Variants in TYW1 observed in about 807,000 individuals in gnomAD.
The protein encoded by TYW1 is S-adenosyl-L-methionine-dependent tRNA 4-demethylwyosine synthase TYW1.
TYW1 carries 46 observed loss-of-function variants against 96.2 expected under a neutral mutation model. That is an observed-to-expected ratio of 0.48 (90% CI 0.38 to 0.61). The LOEUF is 0.61. TYW1 is among the 20% of genes least tolerant of loss of function. The pLI, the probability that TYW1 is intolerant of heterozygous loss-of-function variation, is 0.00. For synonymous variants in TYW1, 274 were observed against 323.0 expected, an observed-to-expected ratio of 0.85 and a Z score of 1.63; for missense variants, 684 against 909.6, an observed-to-expected ratio of 0.75 and a Z score of 3.19.
intron 10 of TYW1, among the ~76,000 whole-genome samples, chr7:67,081,822 CT>C (rs890136602): frequency 7.0e-6 from 1 of 142,008 alleles, no homozygotes; most frequent in Non-Finnish European, 1.5e-5. Context: ...TTCTTCCTTC[CT>C]TTTTTTTGGT....
At chr7:67,237,078 G>A (rs1357213924) in intron 15 of TYW1, among the ~76,000 whole-genome samples, 2 of 152,092 alleles carry the variant, frequency 1.3e-5, no homozygotes, top group Non-Finnish European at 2.9e-5. Flanking sequence ...TAGAGATAGG[G>A]TTTTACCATG....
rs574685260 is a variant in TYW1, at chr7:67,059,446, A to G, written c.1155+3559A>G. 1.1e-4 allele frequency among the ~76,000 whole-genome samples: 17 copies of G among 151,498 alleles called. No individual in the cohort carries two copies. The East Asian group carries it at 1.6e-3, about 14-fold the overall frequency. ...AGGAAAAATTGAGGAGGATTATGTA[A>G]TTGTTTTGAAATAATTATCATTGGC... is the stretch of plus-strand genomic sequence containing the variant. On this transcript the variant is annotated intron_variant, in intron 9 of 15. Transcript: ENST00000359626.
At chr7:67,092,752 G>T (rs1471443797) in intron 11 of TYW1, among the ~76,000 whole-genome samples, 1 of 133,268 alleles carries the variant, frequency 7.5e-6, no homozygotes, top group African/African-American at 2.8e-5. Context: ...GTGAGATCTC[G>T]GCTCACTGCA....
At chr7:67,070,123 T>C (rs13311039) in intron 10 of TYW1, among the ~76,000 whole-genome samples, 1 of 152,242 alleles carries the variant, frequency 6.6e-6, no homozygotes, top group Non-Finnish European at 1.5e-5. Flanking sequence ...ATCCCTTATA[T>C]GTGATGAGTG....
intron 4 of TYW1, among the ~76,000 whole-genome samples, chr7:67,012,055 TA>T (rs1388952089): frequency 2.0e-5 from 3 of 151,326 alleles, no homozygotes; most frequent in African/African-American, 7.3e-5. Context: ...AAACTTTCTT[TA>T]AAAAAAATAG....
intron 11 of TYW1, among the ~76,000 whole-genome samples, chr7:67,086,140 GC>G (rs1359748019): frequency 1.3e-5 from 2 of 152,040 alleles, no homozygotes; most frequent in African/African-American, 4.8e-5. Flanking sequence ...TTAGTTTCAA[GC>G]ATTTTTCGAT....
intron 11 of TYW1, among the ~76,000 whole-genome samples, chr7:67,098,098 T>C (rs956800615): frequency 6.6e-6 from 1 of 152,188 alleles, no homozygotes. Context: ...CGATTAGGTC[T>C]CTTCTTTTTC....
chr7:67,037,892 GT>G (rs1299352685), intron 7 of TYW1, among the ~76,000 whole-genome samples: 1 of 152,160 alleles, frequency 6.6e-6, no homozygotes, highest in Non-Finnish European at 1.5e-5. Flanking sequence ...TCTTTCTCTT[GT>G]TTTAGCATTT....
chr7:67,171,689 A>G (rs1169119499), intron 13 of TYW1, among the ~76,000 whole-genome samples: 1 of 152,114 alleles, frequency 6.6e-6, no homozygotes, highest in African/African-American at 2.4e-5. Flanking sequence ...CTAGTTAAGA[A>G]TTGTTACATA....
At chr7:67,091,724 T>G (rs2686998) in intron 11 of TYW1, among the ~76,000 whole-genome samples, 5 of 152,220 alleles carry the variant, frequency 3.3e-5, no homozygotes, top group South Asian at 4.1e-4. Flanking sequence ...CATGCTCTTA[T>G]GAAGGAGAGA....
chr7:67,238,220 A>G lies in TYW1; in HGVS notation c.1978-88A>G, dbSNP rs1042323958. 2.6e-6 allele frequency: 4 copies of G among 1,559,054 alleles called. No individual in the cohort carries two copies. The African/African-American group carries it at 5.5e-5, about 22-fold the overall frequency. On this transcript the variant is annotated intron_variant, in intron 15 of 15. Coordinates refer to ENST00000359626, the MANE Select transcript of TYW1 (RefSeq NM_018264.4). ...TTTCTTGACGTGATAGGGAGAAAAG[A>G]TCAGACTTGTTCATGATTTTAAAAA...
intron 12 of TYW1, among the ~76,000 whole-genome samples, chr7:67,100,485 A>G (rs1563013534): frequency 7.4e-6 from 1 of 134,632 alleles, no homozygotes. Flanking sequence ...GGGAAATAGG[A>G]AAAAAAAAAA....
At chr7:67,164,050 A>G (rs1170157397) in intron 13 of TYW1, among the ~76,000 whole-genome samples, 1 of 152,162 alleles carries the variant, frequency 6.6e-6, no homozygotes, top group African/African-American at 2.4e-5. Flanking sequence ...AACCAATCTC[A>G]TCTTAAGTAT....
chr7:67,036,302 T>C (rs1045485713), intron 7 of TYW1, among the ~76,000 whole-genome samples: 5 of 151,550 alleles, frequency 3.3e-5, no homozygotes, highest in African/African-American at 1.2e-4. Context: ...CAATTATACA[T>C]GGGATTATAA....
chr7:67,208,003 A>C (rs1800868239), intron 15 of TYW1, among the ~76,000 whole-genome samples: 1 of 152,116 alleles, frequency 6.6e-6, no homozygotes, highest in African/African-American at 2.4e-5. Context: ...TTTTAGGTGT[A>C]AGCCACTGCA....
chr7:67,073,767 CAAAAAAAAAA>C (rs71526599), intron 10 of TYW1, among the ~76,000 whole-genome samples: 2 of 42,322 alleles, frequency 4.7e-5, no homozygotes, highest in African/African-American at 1.0e-4. Context: ...CGAGACTCTT[CAAAAAAAAAA>C]AAAAAAAAAA....
intron 13 of TYW1, among the ~76,000 whole-genome samples, chr7:67,135,301 A>ATTTTTTT (rs1798211585): frequency 8.9e-6 from 1 of 112,300 alleles, no homozygotes; most frequent in African/African-American, 4.0e-5. Flanking sequence ...ATGTTAAAAC[A>ATTTTTTT]GTTTTTTTTT....
At chr7:67,011,987 G>A (rs757589073) in intron 4 of TYW1, among the ~76,000 whole-genome samples, 9 of 152,172 alleles carry the variant, frequency 5.9e-5, no homozygotes, top group Non-Finnish European at 1.3e-4. Flanking sequence ...TTTTGCCACT[G>A]AGGCACAAAA....
chr7:67,109,145 G>T (rs1398697746), intron 12 of TYW1, among the ~76,000 whole-genome samples: 2 of 151,642 alleles, frequency 1.3e-5, no homozygotes, highest in Non-Finnish European at 2.9e-5. Flanking sequence ...GCAGTGGCGG[G>T]CACCTGTAGT....
Sources: gnomAD v4.1 joint callset for allele counts (sites outside exome capture counted in the v4.1 genomes callset) on GRCh38, gnomAD v4.1.1 for gene constraint, MANE v1.5 for transcripts, NCBI Gene and HGNC (gene_info 2026-07-23, HGNC 2026-07-21) for gene names.